The following SLC12A2 variants were observed in gnomAD, a reference collection of about 807,000 sequenced individuals.
SLC12A2 encodes the protein Na-K-2Cl cotransporter 1.
In SLC12A2, 67 loss-of-function variants were observed where a neutral mutation model predicts 136.3. That is an observed-to-expected ratio of 0.49 (90% confidence interval 0.40 to 0.60). The LOEUF (loss-of-function observed/expected upper bound fraction) is 0.60, where lower values mean the gene tolerates loss of function less well. SLC12A2 is among the 20% of genes least tolerant of loss of function. The pLI, the probability that SLC12A2 is intolerant of heterozygous loss-of-function variation, is 0.00. For missense variants in SLC12A2, 1,322 were observed against 1,534.7 expected, an observed-to-expected ratio of 0.86 and a Z score of 2.32; for synonymous variants, 619 against 562.9, an observed-to-expected ratio of 1.10 and a Z score of -1.41.
chr5:128,085,316 G>T (rs1353293323), intron 1 of SLC12A2, among the ~76,000 whole-genome samples: 1 of 150,534 alleles, frequency 6.6e-6, no homozygotes, highest in East Asian at 1.9e-4. Flanking sequence ...TTTTTTTTGC[G>T]ATGAAAACGT....
In SLC12A2 at chr5:128,114,192, G is replaced by A. The variant is rs2126672106; in HGVS notation, c.877-20G>A. 1 of 1,571,574 alleles carries A rather than the reference G, an allele frequency of 6.4e-7. No homozygotes were observed. The highest frequency in any genetic ancestry group is 8.8e-7 in the Non-Finnish European group (1 of 1,142,840). Reference sequence around the variant, plus strand: ...ATTATTCTTCTTCCTCTGTGTCTTGGCCTCTTTTTCCCTCTTTAGGTACGT... The same window carrying A: ...ATTATTCTTCTTCCTCTGTGTCTTGACCTCTTTTTCCCTCTTTAGGTACGT... On this transcript the variant is annotated intron_variant, in intron 2 of 26. Transcript: ENST00000262461.
chr5:128,120,946 T>C (rs2126681223), intron 4 of SLC12A2, among the ~76,000 whole-genome samples: 1 of 152,330 alleles, frequency 6.6e-6, no homozygotes, highest in Admixed American at 6.5e-5. Context: ...AACTGAATTA[T>C]AACGTGTTTA....
chr5:128,126,971 T>TATAA (rs1347112296), intron 4 of SLC12A2, among the ~76,000 whole-genome samples: 10 of 122,990 alleles, frequency 8.1e-5, no homozygotes, highest in African/African-American at 3.1e-4. Flanking sequence ...TATATATTTT[T>TATAA]TTTTTTTTTT....
chr5:128,186,817 A>C lies in SLC12A2; in HGVS notation c.*186A>C. On this transcript the variant is annotated 3_prime_UTR_variant, in exon 27 of 27. Coordinates refer to ENST00000262461, the MANE Select transcript of SLC12A2 (RefSeq NM_001046.3). Reference sequence around the variant, plus strand: ...GTGTATGGAGACTTCGGTTTTAGTCAATTCCATATCTCAATCTTAATGGTG... The same window carrying C: ...GTGTATGGAGACTTCGGTTTTAGTCCATTCCATATCTCAATCTTAATGGTG... 2.0e-6 allele frequency: 1 copy of C among 495,514 alleles called. No homozygotes were observed. The highest frequency in any genetic ancestry group is 3.5e-6 in the Non-Finnish European group (1 of 284,272). 30.7% of individuals were successfully genotyped at this position (495,514 alleles called of 1,614,324 possible).
At chr5:128,169,574 ACTG>A (rs1373904314) in intron 18 of SLC12A2, 7 of 152,144 alleles carry the variant, frequency 4.6e-5, no homozygotes, top group African/African-American at 1.7e-4. Flanking sequence ...TGTTGTTACT[ACTG>A]CTGAGTTTTG....
chr5:128,154,116 T>TA (rs1377683975), intron 15 of SLC12A2, among the ~76,000 whole-genome samples: 1 of 151,392 alleles, frequency 6.6e-6, no homozygotes, highest in Non-Finnish European at 1.5e-5. Context: ...AAGCCAACAT[T>TA]AAAAAAAATT....
chr5:128,166,781 C>T (rs567152068), intron 17 of SLC12A2, among the ~76,000 whole-genome samples: 64 of 152,052 alleles, frequency 4.2e-4, no homozygotes, highest in African/African-American at 1.4e-3. Flanking sequence ...TTGAATTGTA[C>T]ACTTAAAAAT....
chr5:128,094,496 A>G (rs747529456), intron 1 of SLC12A2, among the ~76,000 whole-genome samples: 4 of 151,896 alleles, frequency 2.6e-5, no homozygotes, highest in Non-Finnish European at 5.9e-5. Flanking sequence ...GTTGGCATTC[A>G]TTTCAATATC....
intron 14 of SLC12A2, 93 bp from the exon 15 acceptor site, chr5:128,152,613 G>T: frequency 1.2e-6 from 1 of 807,146 alleles, no homozygotes; most frequent in Non-Finnish European, 2.2e-6. Context: ...CTTTTTAAAT[G>T]TGAAAGCATG....
chr5:128,168,913 G>A (rs1432938054), intron 18 of SLC12A2: 3 of 152,090 alleles, frequency 2.0e-5, no homozygotes, highest in Admixed American at 6.6e-5. Flanking sequence ...GGTATAGTGC[G>A]TTCTTTTTTA....
chr5:128,185,267 G>T (rs147213968), intron 26 of SLC12A2, among the ~76,000 whole-genome samples: 1 of 152,246 alleles, frequency 6.6e-6, no homozygotes, highest in East Asian at 1.9e-4. Context: ...CTTGAATAGT[G>T]ATTCCTATCT....
intron 17 of SLC12A2, among the ~76,000 whole-genome samples, chr5:128,162,947 GT>G (rs569916706): frequency 9.4e-5 from 14 of 148,922 alleles, no homozygotes; most frequent in East Asian, 3.9e-4. Context: ...ATTTTTGTGA[GT>G]TTTTTTTTTA....
At position 128,134,227 on chromosome 5, in the gene SLC12A2, C is replaced by G. The variant is rs750277953; in HGVS notation, c.1251C>G (p.Val417=). The G allele has an allele frequency of 6.2e-7, 1 of 1,607,540 alleles. No individual in the cohort carries two copies. The highest frequency in any genetic ancestry group is 8.5e-7 in the Non-Finnish European group (1 of 1,174,580). Residue 417 remains valine (V), a synonymous_variant, in exon 6 of 27, where the codon GTC becomes GTG. Transcript: ENST00000262461. ...TCCGAATTATTGGAGCCATTACAGT[C>G]GTGATTCTTTTAGGTATCTCAGTAG... ...NDIRIIGAIT[V]VILLGISVAG...
chr5:128,168,044 T>C (rs1763255466), intron 18 of SLC12A2, 177 bp downstream of exon 18: 2 of 502,468 alleles, frequency 4.0e-6, no homozygotes, highest in African/African-American at 3.9e-5. Flanking sequence ...AATTTTTTAT[T>C]GATCTTTATA....
chr5:128,088,054 TATGTAAATATATATATTTACATATA>T, intron 1 of SLC12A2, among the ~76,000 whole-genome samples: 1 of 151,796 alleles, frequency 6.6e-6, no homozygotes, highest in Admixed American at 6.6e-5. Flanking sequence ...TATATAAACA[TATGTAAATATATATATTTACATATA>T]AAGATTTGGT....
chr5:128,117,100 C>T (rs1023053231), intron 4 of SLC12A2, among the ~76,000 whole-genome samples: 6 of 152,110 alleles, frequency 3.9e-5, no homozygotes, highest in African/African-American at 1.4e-4. Context: ...ATAAGCAATT[C>T]TTGTGCCCAT....
chr5:128,175,221 A>G lies in SLC12A2; in HGVS notation c.2929+555A>G, dbSNP rs151149734. On this transcript the variant is annotated intron_variant, in intron 20 of 26. Coordinates refer to ENST00000262461, the MANE Select transcript of SLC12A2 (RefSeq NM_001046.3). ...TTTTGATTCCTGCAAAATATTTCCC[A>G]TTCTTTTTCTGAAATTGTAACCTTG... Among the ~76,000 whole-genome samples, 222 of 152,176 alleles carry G rather than the reference A, an allele frequency of 1.5e-3. 1 individual carries two copies. The highest frequency in any genetic ancestry group is 5.2e-3 in the African/African-American group (215 of 41,574).
intron 1 of SLC12A2, among the ~76,000 whole-genome samples, chr5:128,104,774 G>T (rs1760874249): frequency 6.6e-6 from 1 of 151,906 alleles, no homozygotes; most frequent in Admixed American, 6.6e-5. Context: ...ACAGCTATTT[G>T]TAACAATCCT....
chr5:128,124,204 T>A (rs1057477632), intron 4 of SLC12A2, among the ~76,000 whole-genome samples: 22 of 152,222 alleles, frequency 1.4e-4, no homozygotes, highest in African/African-American at 5.3e-4. Context: ...AGGATCTGTT[T>A]CTTGTTTTAC....
Sources: allele counts gnomAD v4.1 joint callset (sites outside exome capture counted in the v4.1 genomes callset), GRCh38; gene constraint gnomAD v4.1.1; transcripts MANE v1.5; gene names NCBI Gene and HGNC (gene_info 2026-07-23, HGNC 2026-07-21).